PRDX3: variants seen among roughly 807,000 people sequenced by gnomAD.
PRDX3 encodes peroxiredoxin 3.
Under a neutral mutation model 30.4 loss-of-function variants are expected in PRDX3, and 20 were observed. The observed-to-expected ratio is 0.66, with a 90% CI of 0.46 to 0.96. The LOEUF (loss-of-function observed/expected upper bound fraction) is 0.96, where lower values mean the gene tolerates loss of function less well. PRDX3 is among the 40% of genes least tolerant of loss of function. The pLI is 0.00. For synonymous variants in PRDX3, 124 were observed against 117.8 expected (o/e 1.05, Z -0.34); for missense variants, 322 against 318.3 (o/e 1.01, Z -0.09).
chr10:119,175,752 G>C (rs1483115351), intron 2 of PRDX3, among the ~76,000 whole-genome samples: 1 of 149,442 alleles, frequency 6.7e-6, no homozygotes, highest in Admixed American at 6.8e-5. Flanking sequence ...GCAGGAGGAA[G>C]GGGGAGACAT....
In PRDX3 at chr10:119,172,408, C is replaced by G. The variant is rs200939567; in HGVS notation, c.525G>C (p.Leu175=). 1 of 1,613,848 alleles carries G rather than the reference C, an allele frequency of 6.2e-7. No homozygotes were observed. The highest frequency in any genetic ancestry group is 8.5e-7 in the Non-Finnish European group (1 of 1,179,726). The change falls in exon 5 of 7, where the codon CTG becomes CTC. Residue 175 remains leucine, a synonymous_variant. Transcript: ENST00000298510. ...TKQISRDYGV[L]LEGSGLALRG... is the part of the protein sequence containing the mutation. ...TTAGTGCAAGACCAGAACCTTCTAACAGCACACCGTAGTCTCGGGAAATCT... is the reference window on the plus strand; with the variant it reads ...TTAGTGCAAGACCAGAACCTTCTAAGAGCACACCGTAGTCTCGGGAAATCT...
Position 119,174,602 on chromosome 10 carries a change from A to G in PRDX3, c.170-10T>C, listed in dbSNP as rs1414937996. ...GCATGGCATGAGGAACCTGAAAAAA[A>G]ACCCACACTCATATGGAGTTCATCA... On this transcript the variant is annotated splice_polypyrimidine_tract_variant and intron_variant, in intron 2 of 6. Coordinates refer to ENST00000298510, the MANE Select transcript of PRDX3 (RefSeq NM_006793.5). 6.3e-7 allele frequency: 1 copy of G among 1,579,458 alleles called. No individual in the cohort carries two copies. The highest frequency in any genetic ancestry group is 2.2e-5 in the East Asian group (1 of 44,576).
rs748033249 is a variant in PRDX3, at chr10:119,169,274, C to A, written c.620G>T (p.Arg207Leu). Residue 207 changes from arginine (R) to leucine (L), a missense_variant, in exon 6 of 7, where the codon CGA becomes CTA. Physicochemically the swap from Arg to Leu is moderately radical, Grantham distance 102. Transcript: ENST00000298510. ...HLSVNDLPVG[R>L]SVEETLRLVK... is the part of the protein sequence containing the mutation. ...CAAGCGGAGGGTTTCTTCCACGCTTCGGCCCACTGGGAGATCGTTGACGCT... is the reference window on the plus strand; with the variant it reads ...CAAGCGGAGGGTTTCTTCCACGCTTAGGCCCACTGGGAGATCGTTGACGCT... 3 of 1,614,024 alleles carry A rather than the reference C, an allele frequency of 1.9e-6. No homozygotes were observed. The South Asian group carries it at 3.3e-5, about 18-fold the overall frequency.
rs1034709369 is a variant in PRDX3 at position 119,174,647 on chromosome 10, A to G, written c.170-55T>C. ...TCATCATTTGCTATGTCAAGCACCTATGATTTTATTTAAACTTCTCATAAT... is the reference window on the plus strand; with the variant it reads ...TCATCATTTGCTATGTCAAGCACCTGTGATTTTATTTAAACTTCTCATAAT... On this transcript the variant is annotated intron_variant, in intron 2 of 6. Transcript: ENST00000298510. 10 of 1,475,862 alleles carry G rather than the reference A, an allele frequency of 6.8e-6. No individual in the cohort carries two copies. The African/African-American group carries it at 1.3e-4, about 19-fold the overall frequency. The allele number at this position is 1,475,862 out of a possible 1,614,324, so 91.4% of individuals were successfully genotyped here. A position where few individuals can be genotyped will look rare whatever the true frequency, so the allele number is the denominator to read the frequency against.
intron 2 of PRDX3, among the ~76,000 whole-genome samples, 189 bp downstream of exon 2, chr10:119,176,832 T>C (rs990573574): frequency 1.3e-5 from 2 of 152,190 alleles, no homozygotes; most frequent in Non-Finnish European, 2.9e-5. Flanking sequence ...GGCTGCACGT[T>C]AGAATCACCC....
rs112928823 is a variant in PRDX3 at position 119,169,270 on chromosome 10, G to A, written c.624C>T (p.Ser208=). The A allele has an allele frequency of 2.4e-4, 390 of 1,613,964 alleles. 2 individuals are homozygous for A. The highest frequency in any genetic ancestry group is 4.0e-4 in the African/African-American group (30 of 75,018). ...LSVNDLPVGR[S]VEETLRLVKA... Reference sequence around the variant, plus strand: ...TCACCAAGCGGAGGGTTTCTTCCACGCTTCGGCCCACTGGGAGATCGTTGA... The same window carrying A: ...TCACCAAGCGGAGGGTTTCTTCCACACTTCGGCCCACTGGGAGATCGTTGA... Residue 208 remains serine (S), a synonymous_variant, in exon 6 of 7, where the codon AGC becomes AGT. Transcript: ENST00000298510.
chr10:119,170,315 G>C (rs960231192), intron 5 of PRDX3: 1 of 152,228 alleles, frequency 6.6e-6, no homozygotes, highest in Non-Finnish European at 1.5e-5. Context: ...AGGTGAAACT[G>C]TTCCCAGAGG....
At position 119,176,890 on chromosome 10, in the gene PRDX3, G is replaced by A. The variant is rs546385550; in HGVS notation, c.169+131C>T. The A allele has an allele frequency of 2.2e-3, 2,365 of 1,072,274 alleles. 2 individuals carry two copies. The highest frequency in any genetic ancestry group is 6.4e-3 in the Admixed American group (297 of 46,466). The allele number at this position is 1,072,274 out of a possible 1,614,324, so 66.4% of individuals were successfully genotyped here. ...CAGACTAACTTGTCTGGGGTGGGACGGGGGCAGTGCTGTGTTCCTGAAAGC... is the reference window on the plus strand; with the variant it reads ...CAGACTAACTTGTCTGGGGTGGGACAGGGGCAGTGCTGTGTTCCTGAAAGC... On this transcript the variant is annotated intron_variant, in intron 2 of 6. Transcript: ENST00000298510.
chr10:119,173,812 G>A lies in PRDX3; in HGVS notation c.372C>T (p.Asp124=), dbSNP rs3758609. The A allele has an allele frequency of 0.98, 1,587,883 of 1,612,808 alleles. 782,057 individuals are homozygous for A. The highest frequency in any genetic ancestry group is 0.99 in the Non-Finnish European group (1,169,468 of 1,179,368). ...AGACTGCGACAACTTCACAGTTCACGTCGTGAAATTCGTTAGCTTTGTCAC... is the reference window on the plus strand; with the variant it reads ...AGACTGCGACAACTTCACAGTTCACATCGTGAAATTCGTTAGCTTTGTCAC... ...AFSDKANEFH[D]VNCEVVAVSV... Residue 124 remains aspartate, a synonymous_variant, in exon 4 of 7, where the codon GAC becomes GAT. Transcript: ENST00000298510.
intron 1 of PRDX3, among the ~76,000 whole-genome samples, chr10:119,177,780 T>C (rs950720970): frequency 2.0e-5 from 3 of 151,384 alleles, no homozygotes; most frequent in Non-Finnish European, 4.4e-5. Flanking sequence ...AGGTTTTCCT[T>C]AGAAAAACAA....
At position 119,170,370 on chromosome 10, in the gene PRDX3, G is replaced by A. The variant is rs1589660572; in HGVS notation, c.552-1028C>T. ...ACCAATAGAAGGTGAGGCAGAGCTG[G>A]GACAGAGCAGGGCCCATAGACTCCC... On this transcript the variant is annotated intron_variant, in intron 5 of 6. Transcript: ENST00000298510. 7 of 152,218 alleles carry A rather than the reference G, an allele frequency of 4.6e-5. 1 individual carries two copies. Among genetic ancestry groups the A allele is most frequent in the Admixed American group, 3.9e-4 (6 of 15,284 alleles). 9.4% of individuals were successfully genotyped at this position (152,218 alleles called of 1,614,324 possible).
chr10:119,176,334 T>C (rs535613434), intron 2 of PRDX3, among the ~76,000 whole-genome samples: 1 of 152,166 alleles, frequency 6.6e-6, no homozygotes, highest in South Asian at 2.1e-4. Context: ...TAGAAATATT[T>C]TGAAGCTCCA....
At position 119,168,221 on chromosome 10, in the gene PRDX3, T is replaced by C. The variant is rs1847812040; in HGVS notation, c.*259A>G. 2 of 547,582 alleles carry C rather than the reference T, an allele frequency of 3.7e-6. No homozygotes were observed. Among genetic ancestry groups the C allele is most frequent in the South Asian group, 2.4e-5 (1 of 41,526 alleles). 33.9% of individuals were successfully genotyped at this position (547,582 alleles called of 1,614,324 possible). A position where few individuals can be genotyped will look rare whatever the true frequency, so the allele number is the denominator to read the frequency against. ...GACATGATCTAAGAATAGCCTTCTATAGAGGCAAATTATGTTCTGTAGAAA... is the reference window on the plus strand; with the variant it reads ...GACATGATCTAAGAATAGCCTTCTACAGAGGCAAATTATGTTCTGTAGAAA... On this transcript the variant is annotated 3_prime_UTR_variant, in exon 7 of 7. Transcript: ENST00000298510.
At position 119,178,800 on chromosome 10, in the gene PRDX3, A is replaced by G. The variant is rs1197767009; in HGVS notation, c.-10T>C. The G allele has an allele frequency of 6.4e-7, 1 of 1,551,762 alleles. No homozygotes were observed. The highest frequency in any genetic ancestry group is 8.7e-7 in the Non-Finnish European group (1 of 1,147,758). On this transcript the variant is annotated 5_prime_UTR_variant, in exon 1 of 7. Coordinates refer to ENST00000298510, the MANE Select transcript of PRDX3 (RefSeq NM_006793.5). ...CTACAGCAGCCGCCATCTTCAGTGC[A>G]CTCGGGCGCCACGGGGCGGGCAGAG...
intron 2 of PRDX3, 87 bp from the exon 3 acceptor site, chr10:119,174,679 G>T: frequency 7.9e-7 from 1 of 1,272,252 alleles, no homozygotes; most frequent in Non-Finnish European, 1.1e-6. Flanking sequence ...TAATTAATTA[G>T]TAGTATAAAG....
In PRDX3 at chr10:119,167,790, A is replaced by G. The variant is rs1847801900; in HGVS notation, c.*690T>C. The G allele has an allele frequency of 6.6e-6, 1 of 152,236 alleles. No individual in the cohort carries two copies. The highest frequency in any genetic ancestry group is 1.5e-5 in the Non-Finnish European group (1 of 68,042). The allele number at this position is 152,236 out of a possible 1,614,324, so 9.4% of individuals were successfully genotyped here. A position where few individuals can be genotyped will look rare whatever the true frequency, so the allele number is the denominator to read the frequency against. ...AGCAAAGAAAATAATTATAATTTCA[A>G]AATGCAATCCCTGGATTTGATAAAT... On this transcript the variant is annotated 3_prime_UTR_variant, in exon 7 of 7. Transcript: ENST00000298510.
In PRDX3 at chr10:119,168,225, G is replaced by T; in HGVS notation, c.*255C>A. The stretch of plus-strand genomic sequence containing the variant: ...TGATCTAAGAATAGCCTTCTATAGA[G>T]GCAAATTATGTTCTGTAGAAACTAG... On this transcript the variant is annotated 3_prime_UTR_variant, in exon 7 of 7. Transcript: ENST00000298510. The T allele has an allele frequency of 3.5e-6, 2 of 571,306 alleles. No homozygotes were observed. The highest frequency in any genetic ancestry group is 2.4e-5 in the South Asian group (1 of 41,966). 35.4% of individuals were successfully genotyped at this position (571,306 alleles called of 1,614,324 possible).
In PRDX3 at chr10:119,168,056, TAAAAG is replaced by T. The variant is rs1847808609; in HGVS notation, c.*419_*423del. 6.1e-6 allele frequency: 1 copy of T among 165,104 alleles called. No homozygotes were observed. Among genetic ancestry groups the T allele is most frequent in the African/African-American group, 2.4e-5 (1 of 41,556 alleles). 10.2% of individuals were successfully genotyped at this position (165,104 alleles called of 1,614,324 possible). On this transcript the variant is annotated 3_prime_UTR_variant, in exon 7 of 7. Coordinates refer to ENST00000298510, the MANE Select transcript of PRDX3 (RefSeq NM_006793.5). ...TTGAAAATTATGATCTTTGTTAGCT[TAAAAG>T]AAAATTCAGTTTAATACAAAGACAT... is the stretch of plus-strand genomic sequence containing the variant.
intron 2 of PRDX3, among the ~76,000 whole-genome samples, chr10:119,175,317 G>C (rs1371579270): frequency 6.6e-6 from 1 of 152,234 alleles, no homozygotes; most frequent in Non-Finnish European, 1.5e-5. Context: ...ACGGAGTGAA[G>C]AGCAGGCAGC....
Sources: allele counts gnomAD v4.1 joint callset (sites outside exome capture counted in the v4.1 genomes callset), GRCh38; gene constraint gnomAD v4.1.1; transcripts MANE v1.5; gene names NCBI Gene and HGNC (gene_info 2026-07-23, HGNC 2026-07-21).